ZNF521: variants seen among roughly 807,000 people sequenced by gnomAD.
ZNF521 encodes zinc finger protein 521, also known as LYST-interacting protein 3.
Under a neutral mutation model 105.5 loss-of-function variants are expected in ZNF521, and 14 were observed. The ratio of observed to expected loss-of-function variants is 0.13; its 90% CI spans 0.09 to 0.21. The LOEUF (loss-of-function observed/expected upper bound fraction) is 0.21. Ranked by LOEUF, ZNF521 falls within the 10% of genes least tolerant of loss-of-function variation. The pLI is 1.00. For synonymous variants in ZNF521, 635 were observed against 606.0 expected (o/e 1.05, Z -0.70); for missense variants, 1,233 against 1,629.7 (o/e 0.76, Z 4.19).
chr18:25,115,069 A>G (rs2034275881), intron 5 of ZNF521, among the ~76,000 whole-genome samples: 1 of 152,274 alleles, frequency 6.6e-6, no homozygotes, highest in Admixed American at 6.5e-5. Flanking sequence ...TTCTATGCCA[A>G]TGGAAGGGAG....
rs34563599 is a variant in ZNF521, at chr18:25,205,141, T to TAAAAAAAAAAAAAAA, written c.3574-9912_3574-9898dup. Among the ~76,000 whole-genome samples, 17 of 74,910 alleles carry TAAAAAAAAAAAAAAA rather than the reference T, an allele frequency of 2.3e-4. 1 individual carries two copies. The highest frequency in any genetic ancestry group is 8.7e-4 in the African/African-American group (14 of 16,070). 49.1% of individuals were successfully genotyped at this position (74,910 alleles called of 152,430 possible). ...GACTAAATTGATGCCGTAGTGAAGG[T>TAAAAAAAAAAAAAAA]AAAAAAAAAAAAAAAAAAAAAAAAA... On this transcript the variant is annotated intron_variant, in intron 4 of 7. Transcript: ENST00000361524.
intron 3 of ZNF521, among the ~76,000 whole-genome samples, chr18:25,272,981 C>T (rs1909766945): frequency 6.6e-6 from 1 of 151,864 alleles, no homozygotes; most frequent in African/African-American, 2.4e-5. Context: ...AATCCCAGCA[C>T]TTTGGGAGGC....
chr18:25,258,355 A>T, intron 3 of ZNF521, among the ~76,000 whole-genome samples: 1 of 152,182 alleles, frequency 6.6e-6, no homozygotes, highest in Non-Finnish European at 1.5e-5. Context: ...AATCACAGTG[A>T]TAGGATTAGG....
intron 2 of ZNF521, among the ~76,000 whole-genome samples, chr18:25,339,789 A>G (rs1914097059): frequency 6.6e-6 from 1 of 152,224 alleles, no homozygotes. Flanking sequence ...CATATGGGGT[A>G]TAAGGGAATA....
chr18:25,237,571 A>C (rs1299413151), intron 3 of ZNF521, among the ~76,000 whole-genome samples: 1 of 152,192 alleles, frequency 6.6e-6, no homozygotes, highest in African/African-American at 2.4e-5. Flanking sequence ...TCCATCCAAG[A>C]TACTTTAAAA....
At position 25,152,124 on chromosome 18, in the gene ZNF521, C is replaced by T. The variant is rs374351393; in HGVS notation, c.3658+43036G>A. On this transcript the variant is annotated intron_variant, in intron 5 of 7. Transcript: ENST00000361524. ...ACACATTTTTGAAGCCCTAGCCACC[C>T]GGAAGATCAGAATACCTTTGTTTAG... is the stretch of plus-strand genomic sequence containing the variant. 5.9e-5 allele frequency among the ~76,000 whole-genome samples: 9 copies of T among 152,218 alleles called. No individual in the cohort carries two copies. In the South Asian group the frequency reaches 8.3e-4, roughly 14 times the overall value.
intron 5 of ZNF521, among the ~76,000 whole-genome samples, chr18:25,125,375 A>T (rs942213404): frequency 6.6e-6 from 1 of 152,130 alleles, no homozygotes; most frequent in Non-Finnish European, 1.5e-5. Context: ...AATAAATTTC[A>T]AAACAGTCTA....
intron 3 of ZNF521, among the ~76,000 whole-genome samples, chr18:25,250,588 G>A (rs570104982): frequency 5.3e-5 from 8 of 152,150 alleles, no homozygotes; most frequent in Admixed American, 1.3e-4. Flanking sequence ...ATGTCTGTAT[G>A]GGTGCCAGAT....
chr18:25,149,907 T>C (rs939400618), intron 5 of ZNF521, among the ~76,000 whole-genome samples: 3 of 152,208 alleles, frequency 2.0e-5, no homozygotes, highest in African/African-American at 7.2e-5. Flanking sequence ...GAAAAAATTC[T>C]GAGAACCACC....
chr18:25,068,671 T>C (rs1273156566), intron 7 of ZNF521, among the ~76,000 whole-genome samples: 2 of 152,132 alleles, frequency 1.3e-5, no homozygotes, highest in Non-Finnish European at 2.9e-5. Flanking sequence ...CCACTCAAAA[T>C]AAAGCTTTCT....
chr18:25,133,231 T>C (rs1439709847), intron 5 of ZNF521, among the ~76,000 whole-genome samples: 1 of 152,208 alleles, frequency 6.6e-6, no homozygotes, highest in Non-Finnish European at 1.5e-5. Flanking sequence ...ATGAATGTAT[T>C]AACATGGCCT....
At chr18:25,088,633 C>A (rs1201657662) in intron 7 of ZNF521, among the ~76,000 whole-genome samples, 1 of 152,128 alleles carries the variant, frequency 6.6e-6, no homozygotes, top group Admixed American at 6.5e-5. Context: ...AGACATTATA[C>A]CCATTTTCAA....
chr18:25,159,833 G>A (rs776774061), intron 5 of ZNF521, among the ~76,000 whole-genome samples: 2 of 152,184 alleles, frequency 1.3e-5, no homozygotes, highest in Non-Finnish European at 2.9e-5. Flanking sequence ...CGGCCTTGGT[G>A]TTCTCAGTGT....
At chr18:25,275,999 A>T (rs536386948) in intron 3 of ZNF521, among the ~76,000 whole-genome samples, 1 of 152,358 alleles carries the variant, frequency 6.6e-6, no homozygotes, top group Non-Finnish European at 1.5e-5. Flanking sequence ...CACCATGTGC[A>T]AAAAGAGCTT....
At chr18:25,317,919 T>C (rs1912729475) in intron 3 of ZNF521, among the ~76,000 whole-genome samples, 1 of 152,090 alleles carries the variant, frequency 6.6e-6, no homozygotes, top group South Asian at 2.1e-4. Context: ...CTAATAGAGA[T>C]TAAACATATC....
chr18:25,074,472 G>A (rs1333034687), intron 7 of ZNF521, among the ~76,000 whole-genome samples: 1 of 151,992 alleles, frequency 6.6e-6, no homozygotes, highest in Non-Finnish European at 1.5e-5. Flanking sequence ...ATGTTATTGT[G>A]TATTGTTGAA....
At chr18:25,330,180 T>C (rs1391807041) in intron 2 of ZNF521, among the ~76,000 whole-genome samples, 3 of 128,968 alleles carry the variant, frequency 2.3e-5, no homozygotes, top group Non-Finnish European at 5.2e-5. Flanking sequence ...TTCTTTTTTT[T>C]TTGAGACAGA....
intron 3 of ZNF521, among the ~76,000 whole-genome samples, chr18:25,239,419 T>G (rs535206714): frequency 6.6e-6 from 1 of 152,238 alleles, no homozygotes; most frequent in Non-Finnish European, 1.5e-5. Flanking sequence ...GCTAAACTTT[T>G]GTTGATGATT....
At chr18:25,193,157 A>C (rs185960459) in intron 5 of ZNF521, among the ~76,000 whole-genome samples, 444 of 152,186 alleles carry the variant, frequency 2.9e-3, no homozygotes, top group African/African-American at 0.01. Context: ...GATGCAAGGA[A>C]TATAAAATAA....
Sources: gnomAD v4.1 joint callset for allele counts (sites outside exome capture counted in the v4.1 genomes callset) on GRCh38, gnomAD v4.1.1 for gene constraint, MANE v1.5 for transcripts, NCBI Gene and HGNC (gene_info 2026-07-23, HGNC 2026-07-21) for gene names.